Variants in CRACDL observed in about 807,000 individuals in gnomAD.
The protein encoded by CRACDL is CRACD like.
Under a neutral mutation model 70.6 loss-of-function variants are expected in CRACDL, and 26 were observed. That is an observed-to-expected ratio of 0.37 (90% CI 0.27 to 0.51). The LOEUF is 0.51. CRACDL is among the 20% of genes least tolerant of loss of function. The pLI, the probability that CRACDL is intolerant of heterozygous loss-of-function variation, is 0.94. For synonymous variants in CRACDL, 618 were observed against 615.2 expected, an observed-to-expected ratio of 1.00 and a Z score of -0.07; for missense variants, 1,283 against 1,376.9, an observed-to-expected ratio of 0.93 and a Z score of 1.08.
At chr2:98,798,080 A>G (rs1703907814) in intron 7 of CRACDL, among the ~76,000 whole-genome samples, 1 of 152,190 alleles carries the variant, frequency 6.6e-6, no homozygotes, top group Non-Finnish European at 1.5e-5. Context: ...GCGGTGGCGC[A>G]TGCCTGTAAT....
intron 1 of CRACDL, chr2:98,869,214 C>T (rs1402582513): frequency 9.2e-6 from 12 of 1,300,266 alleles, no homozygotes; most frequent in Non-Finnish European, 1.2e-5. Flanking sequence ...GGCCTAGGGC[C>T]CACGGGTCAC....
intron 1 of CRACDL, among the ~76,000 whole-genome samples, chr2:98,922,993 G>C (rs1324036177): frequency 1.3e-5 from 2 of 152,212 alleles, no homozygotes; most frequent in Admixed American, 1.3e-4. Flanking sequence ...TTATAGGCCA[G>C]GAGCGGTGGC....
intron 1 of CRACDL, among the ~76,000 whole-genome samples, chr2:98,896,700 C>T (rs1708134900): frequency 6.6e-6 from 1 of 152,190 alleles, no homozygotes; most frequent in African/African-American, 2.4e-5. Context: ...GGGTCTGAGC[C>T]TGTTGTCAGT....
Position 98,794,362 on chromosome 2 carries a change from G to C in CRACDL, c.*170C>G. 1 of 597,448 alleles carries C rather than the reference G, an allele frequency of 1.7e-6. No individual in the cohort carries two copies. Among genetic ancestry groups the C allele is most frequent in the South Asian group, 2.3e-5 (1 of 43,476 alleles). The allele number at this position is 597,448 out of a possible 1,614,324, so 37.0% of individuals were successfully genotyped here. A position where few individuals can be genotyped will look rare whatever the true frequency, so the allele number is the denominator to read the frequency against. On this transcript the variant is annotated 3_prime_UTR_variant, in exon 10 of 10. Coordinates refer to ENST00000397899, the MANE Select transcript of CRACDL (RefSeq NM_207362.3). ...CCCTCTGGCCCAGGAGTATGGCTGTGTGTTTATCCTCTTTGTTTTGCCTGG... is the reference window on the plus strand; with the variant it reads ...CCCTCTGGCCCAGGAGTATGGCTGTCTGTTTATCCTCTTTGTTTTGCCTGG...
intron 1 of CRACDL, among the ~76,000 whole-genome samples, chr2:98,921,467 G>A (rs1708801656): frequency 6.6e-6 from 1 of 152,264 alleles, no homozygotes; most frequent in South Asian, 2.1e-4. Context: ...GTATTATGGT[G>A]TTCCCTCAGT....
chr2:98,828,681 G>GT (rs1320978981), intron 5 of CRACDL, among the ~76,000 whole-genome samples: 1 of 152,244 alleles, frequency 6.6e-6, no homozygotes, highest in African/African-American at 2.4e-5. Context: ...AAGTTTATCT[G>GT]TGTAAACAAG....
chr2:98,801,200 GT>G (rs1704061061), intron 7 of CRACDL, among the ~76,000 whole-genome samples: 2 of 152,172 alleles, frequency 1.3e-5, no homozygotes, highest in Non-Finnish European at 2.9e-5. Flanking sequence ...GAGGGCCCTT[GT>G]AATCTCTAGG....
At position 98,822,696 on chromosome 2, in the gene CRACDL, C is replaced by T. The variant is rs1162031923; in HGVS notation, c.1577G>A (p.Gly526Asp). 1 of 1,265,782 alleles carries T rather than the reference C, an allele frequency of 7.9e-7. No homozygotes were observed. The highest frequency in any genetic ancestry group is 1.6e-5 in the African/African-American group (1 of 64,224). The allele number at this position is 1,265,782 out of a possible 1,614,324, so 78.4% of individuals were successfully genotyped here. A position where few individuals can be genotyped will look rare whatever the true frequency, so the allele number is the denominator to read the frequency against. ...GGCCTCTGCGTCGAGGGAACCGGGG[C>T]CGGGCTCCACCGGGGGAGACTCCGC... ...AAAESPPVEP[G>D]PGSLDAEAAA... Residue 526 changes from glycine (G) to aspartate (D), a missense_variant, in exon 7 of 10, where the codon GGC becomes GAC. Transcript: ENST00000397899. This position sits in a 1 kb window ranked among gnomAD's most constrained non-coding sequence, Gnocchi z 4.9.
intron 2 of CRACDL, among the ~76,000 whole-genome samples, chr2:98,840,113 C>A (rs2104520413): frequency 6.6e-6 from 1 of 152,162 alleles, no homozygotes; most frequent in African/African-American, 2.4e-5. Context: ...ACTTTTTAGA[C>A]TTTCCTGTTT....
At chr2:98,886,882 C>T (rs987070640) in intron 1 of CRACDL, among the ~76,000 whole-genome samples, 2 of 151,972 alleles carry the variant, frequency 1.3e-5, no homozygotes, top group Non-Finnish European at 2.9e-5. Flanking sequence ...AAATATGGTC[C>T]ACATATAGGG....
At chr2:98,811,516 CAAAAAAAAAAAA>C (rs1199306759) in intron 7 of CRACDL, among the ~76,000 whole-genome samples, 2 of 49,640 alleles carry the variant, frequency 4.0e-5, no homozygotes, top group African/African-American at 8.3e-5. Flanking sequence ...GACTCTGTCT[CAAAAAAAAAAAA>C]AAAAAAAAAA....
chr2:98,881,549 G>A (rs767660329), intron 1 of CRACDL, among the ~76,000 whole-genome samples: 16 of 152,218 alleles, frequency 1.1e-4, no homozygotes, highest in Non-Finnish European at 2.2e-4. Flanking sequence ...GCCCCACCCT[G>A]GTGATTTTGG....
At chr2:98,915,030 T>C (rs543511406) in intron 1 of CRACDL, among the ~76,000 whole-genome samples, 1 of 152,316 alleles carries the variant, frequency 6.6e-6, no homozygotes, top group South Asian at 2.1e-4. Flanking sequence ...CCAGCCTCTG[T>C]TCACAGTCAC....
At chr2:98,873,309 G>T (rs1235623754) in intron 1 of CRACDL, among the ~76,000 whole-genome samples, 1 of 152,220 alleles carries the variant, frequency 6.6e-6, no homozygotes, top group Non-Finnish European at 1.5e-5. Flanking sequence ...TGTGACAGAG[G>T]CAGGAAGAGA....
chr2:98,821,501 T>A (rs1012367722), intron 7 of CRACDL, among the ~76,000 whole-genome samples: 2 of 152,192 alleles, frequency 1.3e-5, no homozygotes, highest in Non-Finnish European at 2.9e-5. Flanking sequence ...AGATTAGGGG[T>A]GTCCAATCTT....
intron 7 of CRACDL, among the ~76,000 whole-genome samples, chr2:98,803,193 G>C (rs1340626261): frequency 1.3e-5 from 2 of 151,982 alleles, no homozygotes; most frequent in Non-Finnish European, 2.9e-5. Flanking sequence ...GTAGAGACGG[G>C]GTTTCACCAT....
chr2:98,890,202 AAC>A (rs1168931038), intron 1 of CRACDL, among the ~76,000 whole-genome samples: 1 of 152,184 alleles, frequency 6.6e-6, no homozygotes, highest in Non-Finnish European at 1.5e-5. Context: ...AAAGAAAACT[AAC>A]AAAACCAAAA....
chr2:98,900,500 AC>A (rs1364908049), intron 1 of CRACDL, among the ~76,000 whole-genome samples: 2 of 151,596 alleles, frequency 1.3e-5, no homozygotes, highest in East Asian at 3.9e-4. Context: ...CACCTCCAAT[AC>A]CCTCCTCCTC....
chr2:98,852,776 T>C (rs1706531922), intron 1 of CRACDL, among the ~76,000 whole-genome samples: 1 of 151,938 alleles, frequency 6.6e-6, no homozygotes, highest in Admixed American at 6.6e-5. Flanking sequence ...AATGATCCAA[T>C]CTGAAGAACA....
Sources: allele counts gnomAD v4.1 joint callset (sites outside exome capture counted in the v4.1 genomes callset), GRCh38; gene constraint gnomAD v4.1.1; non-coding constraint Gnocchi (gnomAD v3.1); transcripts MANE v1.5; gene names NCBI Gene and HGNC (gene_info 2026-07-23, HGNC 2026-07-21).